Variants in RAB28 observed in about 807,000 individuals in gnomAD.
RAB28 encodes the protein ras-related protein Rab-28.
Under a neutral mutation model 31.7 loss-of-function variants are expected in RAB28, and 24 were observed. The ratio of observed to expected loss-of-function variants is 0.76; its 90% CI spans 0.55 to 1.06. RAB28 has a LOEUF of 1.06. Ranked by LOEUF, RAB28 falls within the 50% of genes least tolerant of loss-of-function variation. The probability of loss-of-function intolerance (pLI) is 0.00; values close to 1 mark genes in which losing one functional copy is unlikely to be tolerated. For missense variants in RAB28, 254 were observed against 258.5 expected (o/e 0.98, Z 0.12); for synonymous variants, 100 against 90.4 (o/e 1.11, Z -0.60).
chr4:13,469,423 T>C (rs1716015426), intron 3 of RAB28, among the ~76,000 whole-genome samples: 1 of 152,014 alleles, frequency 6.6e-6, no homozygotes, highest in Non-Finnish European at 1.5e-5. Context: ...TCCCAAATCT[T>C]TTACATGACC....
At chr4:13,483,999 GC>G (rs1716744506) in intron 1 of RAB28, 76 bp downstream of exon 1, 16 of 1,386,042 alleles carry the variant, frequency 1.2e-5, no homozygotes, top group African/African-American at 1.4e-5. Flanking sequence ...ACGAGGCGAC[GC>G]CGGGCGGCGG....
At chr4:13,390,036 T>C (rs191501478) in intron 4 of RAB28, among the ~76,000 whole-genome samples, 28 of 152,290 alleles carry the variant, frequency 1.8e-4, no homozygotes, top group African/African-American at 3.8e-4. Flanking sequence ...CTATTCAACA[T>C]AGTGTTGGAA....
At chr4:13,437,949 G>A (rs73229697) in intron 4 of RAB28, among the ~76,000 whole-genome samples, 2,803 of 152,170 alleles carry the variant, frequency 0.018, 64 homozygotes, top group East Asian at 0.11. Flanking sequence ...CAACCTAGGC[G>A]CACATCAAAA....
At chr4:13,381,072 A>C (rs1350576299) in intron 5 of RAB28, among the ~76,000 whole-genome samples, 1 of 152,100 alleles carries the variant, frequency 6.6e-6, no homozygotes, top group African/African-American at 2.4e-5. Context: ...TCTGGACCCC[A>C]TTACATAATT....
intron 4 of RAB28, among the ~76,000 whole-genome samples, chr4:13,416,379 A>T (rs61798407): frequency 0.019 from 2,963 of 152,288 alleles, 48 homozygotes; most frequent in Middle Eastern, 0.037. Flanking sequence ...CATCAGAAGG[A>T]ACAAACTCCA....
intron 4 of RAB28, among the ~76,000 whole-genome samples, chr4:13,428,457 C>A (rs1460926118): frequency 6.6e-6 from 1 of 152,096 alleles, no homozygotes; most frequent in African/African-American, 2.4e-5. Context: ...GAGCAATAAA[C>A]AGGATAAAAA....
rs1714116202 is a variant in RAB28 at position 13,436,482 on chromosome 4, G to A, written c.391+24217C>T. Among the ~76,000 whole-genome samples the A allele has an allele frequency of 2.6e-5, 4 of 151,998 alleles. No homozygotes were observed. In the South Asian group the frequency reaches 8.3e-4, roughly 31 times the overall value. ...CTAAAGATGCCTCCAAAAGACTCCT[G>A]GACCCAATAAGTGACTTCAGTAAAG... On this transcript the variant is annotated intron_variant, in intron 4 of 6. Coordinates refer to ENST00000330852, the MANE Select transcript of RAB28 (RefSeq NM_001017979.3).
chr4:13,483,624 G>A (rs1234645996), intron 1 of RAB28, among the ~76,000 whole-genome samples: 1 of 152,194 alleles, frequency 6.6e-6, no homozygotes, highest in Admixed American at 6.5e-5. Flanking sequence ...CGACTAAGTG[G>A]CAGAGCCCCA....
At chr4:13,480,630 A>G (rs1184574543) in intron 1 of RAB28, among the ~76,000 whole-genome samples, 1 of 151,890 alleles carries the variant, frequency 6.6e-6, no homozygotes, top group African/African-American at 2.4e-5. Flanking sequence ...ACACAGAACC[A>G]TATTTTTCAC....
At chr4:13,475,915 T>C (rs1160866072) in intron 2 of RAB28, among the ~76,000 whole-genome samples, 1 of 151,528 alleles carries the variant, frequency 6.6e-6, no homozygotes, top group Non-Finnish European at 1.5e-5. Context: ...AAGAAGTATA[T>C]AAACTAGTTT....
intron 4 of RAB28, among the ~76,000 whole-genome samples, chr4:13,414,724 A>G (rs1010345793): frequency 3.9e-5 from 6 of 152,240 alleles, no homozygotes; most frequent in African/African-American, 1.4e-4. Context: ...AGTATATAAA[A>G]GAAAATATGC....
At chr4:13,394,715 G>A (rs977825502) in intron 4 of RAB28, among the ~76,000 whole-genome samples, 8 of 152,204 alleles carry the variant, frequency 5.3e-5, no homozygotes, top group African/African-American at 1.9e-4. Flanking sequence ...ATAGCATAAT[G>A]AGGATATTAC....
intron 4 of RAB28, among the ~76,000 whole-genome samples, chr4:13,432,496 C>T (rs1713867484): frequency 6.6e-6 from 1 of 151,980 alleles, no homozygotes; most frequent in African/African-American, 2.4e-5. Context: ...TATCAGATTA[C>T]TCAAAATCAA....
At chr4:13,467,737 T>C (rs985224166) in intron 3 of RAB28, among the ~76,000 whole-genome samples, 3 of 151,688 alleles carry the variant, frequency 2.0e-5, no homozygotes, top group African/African-American at 7.3e-5. Context: ...ACAAAGAACA[T>C]GTGCAAAGAA....
intron 4 of RAB28, among the ~76,000 whole-genome samples, chr4:13,425,985 A>G (rs1354352060): frequency 2.0e-5 from 3 of 152,208 alleles, no homozygotes; most frequent in Non-Finnish European, 4.4e-5. Flanking sequence ...TGAAATATAA[A>G]AGAAAAAGAA....
At chr4:13,428,616 A>G (rs1713639445) in intron 4 of RAB28, among the ~76,000 whole-genome samples, 1 of 152,250 alleles carries the variant, frequency 6.6e-6, no homozygotes, top group Non-Finnish European at 1.5e-5. Context: ...TTGAGATTAT[A>G]GTCTAAGGAA....
rs145762631 is a variant in RAB28 at position 13,470,288 on chromosome 4, C to T, written c.261+4030G>A. Among the ~76,000 whole-genome samples the T allele has an allele frequency of 6.6e-4, 101 of 152,020 alleles. No individual in the cohort carries two copies. In the Middle Eastern group the frequency reaches 0.01, roughly 15 times the overall value. On this transcript the variant is annotated intron_variant, in intron 3 of 6. Coordinates refer to ENST00000330852, the MANE Select transcript of RAB28 (RefSeq NM_001017979.3). ...TAGATCTTGCTTTATAAGTATAACC[C>T]GTAAGAAACACTAACACAAAGAAAG...
chr4:13,420,765 TG>T (rs1437834783), intron 4 of RAB28, among the ~76,000 whole-genome samples: 1 of 152,172 alleles, frequency 6.6e-6, no homozygotes, highest in Non-Finnish European at 1.5e-5. Flanking sequence ...CTCAAAATAA[TG>T]AGAGCTATTT....
chr4:13,435,151 CA>C (rs763520868), intron 4 of RAB28, among the ~76,000 whole-genome samples: 51 of 143,662 alleles, frequency 3.6e-4, no homozygotes, highest in South Asian at 8.7e-4. Context: ...AAAATTAAGG[CA>C]AAAAAAAAAT....
Sources: allele counts gnomAD v4.1 joint callset (sites outside exome capture counted in the v4.1 genomes callset), GRCh38; gene constraint gnomAD v4.1.1; transcripts MANE v1.5; gene names NCBI Gene and HGNC (gene_info 2026-07-23, HGNC 2026-07-21).